Variants in ROBO2 observed in about 807,000 individuals in gnomAD.
The protein encoded by ROBO2 is roundabout homolog 2.
In ROBO2, 53 loss-of-function variants were observed where a neutral mutation model predicts 160.8. The ratio of observed to expected loss-of-function variants is 0.33; its 90% confidence interval spans 0.26 to 0.41. The LOEUF is 0.41. Ranked by LOEUF, ROBO2 falls within the 10% of genes least tolerant of loss-of-function variation. ROBO2 has a pLI of 1.00. For missense variants in ROBO2, 1,577 were observed against 1,722.4 expected (o/e 0.92, Z 1.49); for synonymous variants, 664 against 611.7 (o/e 1.09, Z -1.26).
At chr3:76,305,823 G>A (rs549663542) in intron 2 of ROBO2, among the ~76,000 whole-genome samples, 10 of 151,840 alleles carry the variant, frequency 6.6e-5, no homozygotes, top group African/African-American at 2.2e-4. Context: ...GTGCTCTGGG[G>A]GTGACAGAGC....
At chr3:76,614,080 T>A (rs1276505435) in intron 2 of ROBO2, among the ~76,000 whole-genome samples, 6 of 152,110 alleles carry the variant, frequency 3.9e-5, no homozygotes, top group Admixed American at 3.9e-4. Flanking sequence ...GATCATAGAT[T>A]GTCTTAAAGC....
chr3:77,103,346 C>A (rs1057435137), intron 2 of ROBO2, among the ~76,000 whole-genome samples: 5 of 151,928 alleles, frequency 3.3e-5, no homozygotes, highest in Non-Finnish European at 7.4e-5. Flanking sequence ...AAATGAGGTG[C>A]TGAACGCTTT....
At chr3:76,839,507 G>A in intron 2 of ROBO2, among the ~76,000 whole-genome samples, 1 of 152,164 alleles carries the variant, frequency 6.6e-6, no homozygotes, top group East Asian at 1.9e-4. Flanking sequence ...GCATCCCAGA[G>A]ATGAATCCCA....
At chr3:76,785,598 T>C in intron 2 of ROBO2, among the ~76,000 whole-genome samples, 1 of 151,276 alleles carries the variant, frequency 6.6e-6, no homozygotes, top group Non-Finnish European at 1.5e-5. Flanking sequence ...TAAATATTTA[T>C]TTCCTACTGC....
intron 2 of ROBO2, among the ~76,000 whole-genome samples, chr3:77,409,604 G>A (rs1224809724): frequency 1.3e-5 from 2 of 152,098 alleles, no homozygotes; most frequent in East Asian, 3.9e-4. Context: ...TGTCATCAAG[G>A]ATTTAGCTGT....
At chr3:77,606,959 G>A (rs1048646723) in intron 20 of ROBO2, among the ~76,000 whole-genome samples, 3 of 152,148 alleles carry the variant, frequency 2.0e-5, no homozygotes, top group African/African-American at 7.2e-5. Flanking sequence ...TAAGGAAGAA[G>A]CTTTATCTAC....
chr3:76,262,853 C>T lies in ROBO2; in HGVS notation c.109+325251C>T, dbSNP rs1395776693. ...TACAGAGCAATTATGCTTGGTAGGG[C>T]ACAGCTACTGCATACTTCTACCAAA... On this transcript the variant is annotated intron_variant, in intron 2 of 26. Transcript: ENST00000487694. Among the ~76,000 whole-genome samples the T allele has an allele frequency of 2.6e-5, 4 of 152,048 alleles. No individual in the cohort carries two copies. The East Asian group carries it at 7.8e-4, about 29-fold the overall frequency.
chr3:76,675,493 A>G (rs1001436613), intron 2 of ROBO2, among the ~76,000 whole-genome samples: 2 of 152,192 alleles, frequency 1.3e-5, no homozygotes, highest in African/African-American at 2.4e-5. Flanking sequence ...CTATATAGCC[A>G]TCATGGAAGG....
At chr3:76,623,656 A>G (rs2089397090) in intron 2 of ROBO2, among the ~76,000 whole-genome samples, 1 of 152,180 alleles carries the variant, frequency 6.6e-6, no homozygotes, top group African/African-American at 2.4e-5. Flanking sequence ...AATTTTGTCT[A>G]TACTTCCAGA....
intron 2 of ROBO2, among the ~76,000 whole-genome samples, chr3:76,473,094 CT>C: frequency 6.6e-6 from 1 of 152,226 alleles, no homozygotes; most frequent in East Asian, 1.9e-4. Context: ...GCAATTTGTT[CT>C]AAAGGAGTAC....
intron 2 of ROBO2, among the ~76,000 whole-genome samples, chr3:76,614,677 A>G (rs2088425322): frequency 6.6e-6 from 1 of 152,152 alleles, no homozygotes; most frequent in Non-Finnish European, 1.5e-5. Context: ...TTAATTTGAC[A>G]TGCTGCATAA....
At chr3:76,035,807 C>A (rs957551075) in intron 2 of ROBO2, among the ~76,000 whole-genome samples, 1 of 151,950 alleles carries the variant, frequency 6.6e-6, no homozygotes, top group African/African-American at 2.4e-5. Context: ...GTCTTGATTG[C>A]GATTTTCATC....
At chr3:76,647,350 G>C (rs1184203041) in intron 2 of ROBO2, among the ~76,000 whole-genome samples, 2 of 152,132 alleles carry the variant, frequency 1.3e-5, no homozygotes, top group Non-Finnish European at 2.9e-5. Context: ...TAGCCTTTCA[G>C]TCTCCCACTA....
At chr3:77,242,944 A>AGAGT (rs1346098487) in intron 2 of ROBO2, among the ~76,000 whole-genome samples, 1 of 151,442 alleles carries the variant, frequency 6.6e-6, no homozygotes, top group Admixed American at 6.6e-5. Flanking sequence ...AAAGAGAGAG[A>AGAGT]GAGTGAATAT....
At chr3:76,619,101 G>A (rs373780260) in intron 2 of ROBO2, among the ~76,000 whole-genome samples, 3 of 151,948 alleles carry the variant, frequency 2.0e-5, no homozygotes, top group East Asian at 1.9e-4. Context: ...AGCACTTTGG[G>A]AGGCCGAGGC....
At chr3:77,647,662 T>C (rs927573064) in exon 26 of ROBO2, 1 of 152,140 alleles carries the variant, frequency 6.6e-6, no homozygotes, top group African/African-American at 2.4e-5. Context: ...CTTCCTGAAA[T>C]TCCCACTTGT....
At chr3:76,261,726 A>C (rs1706780954) in intron 2 of ROBO2, among the ~76,000 whole-genome samples, 1 of 151,956 alleles carries the variant, frequency 6.6e-6, no homozygotes, top group African/African-American at 2.4e-5. Flanking sequence ...TACTGTGTGC[A>C]TTTTTTTAGT....
intron 2 of ROBO2, among the ~76,000 whole-genome samples, chr3:77,024,474 T>C (rs2062826441): frequency 1.3e-5 from 2 of 152,074 alleles, no homozygotes; most frequent in African/African-American, 4.8e-5. Flanking sequence ...CAAAGAGAAA[T>C]TGTTTGTGTA....
intron 24 of ROBO2, among the ~76,000 whole-genome samples, chr3:77,641,785 G>A (rs2095354671): frequency 6.6e-6 from 1 of 152,090 alleles, no homozygotes; most frequent in African/African-American, 2.4e-5. Flanking sequence ...AGAAAGAACT[G>A]TGATTTCACA....
Sources: gnomAD v4.1 joint callset for allele counts (sites outside exome capture counted in the v4.1 genomes callset) on GRCh38, gnomAD v4.1.1 for gene constraint, MANE v1.5 for transcripts, NCBI Gene and HGNC (gene_info 2026-07-23, HGNC 2026-07-21) for gene names.